Variants in ERBB4 observed in about 807,000 individuals in gnomAD.
ERBB4 encodes the protein erb-b2 receptor tyrosine kinase 4, also known as receptor tyrosine-protein kinase erbB-4.
In ERBB4, 42 loss-of-function variants were observed where a neutral mutation model predicts 158.0. That is an observed-to-expected ratio of 0.27 (90% CI 0.21 to 0.34). ERBB4 has a LOEUF of 0.34. Ranked by LOEUF, ERBB4 falls within the 10% of genes least tolerant of loss-of-function variation. The pLI is 1.00. For missense variants in ERBB4, 1,333 were observed against 1,624.1 expected, an observed-to-expected ratio of 0.82 and a Z score of 3.08; for synonymous variants, 583 against 558.7, an observed-to-expected ratio of 1.04 and a Z score of -0.61.
At chr2:212,162,795 T>C (rs1354977474) in intron 1 of ERBB4, among the ~76,000 whole-genome samples, 1 of 151,964 alleles carries the variant, frequency 6.6e-6, no homozygotes, top group Admixed American at 6.6e-5. Flanking sequence ...CTCTGTTTAG[T>C]AAGTTTCACA....
At chr2:211,427,183 T>C (rs142915713) in intron 22 of ERBB4, among the ~76,000 whole-genome samples, 3 of 152,154 alleles carry the variant, frequency 2.0e-5, no homozygotes, top group Non-Finnish European at 2.9e-5. Flanking sequence ...TAGATAAGAA[T>C]TGTAAGTTCT....
intron 3 of ERBB4, among the ~76,000 whole-genome samples, chr2:211,941,325 G>A (rs1298287174): frequency 6.6e-6 from 1 of 150,872 alleles, no homozygotes; most frequent in South Asian, 2.1e-4. Context: ...AATGTTTGTA[G>A]TACTTTTGTT....
At chr2:212,396,866 T>C (rs1023432035) in intron 1 of ERBB4, among the ~76,000 whole-genome samples, 4 of 152,180 alleles carry the variant, frequency 2.6e-5, no homozygotes, top group African/African-American at 9.6e-5. Context: ...TTCAAAGTTT[T>C]CATCATAATA....
At chr2:212,386,280 T>C (rs1390710833) in intron 1 of ERBB4, among the ~76,000 whole-genome samples, 1 of 152,044 alleles carries the variant, frequency 6.6e-6, no homozygotes, top group Non-Finnish European at 1.5e-5. Flanking sequence ...CCATAAGATA[T>C]TTGTATTATC....
At chr2:211,910,185 G>C (rs1231110047) in intron 3 of ERBB4, among the ~76,000 whole-genome samples, 1 of 151,466 alleles carries the variant, frequency 6.6e-6, no homozygotes, top group Non-Finnish European at 1.5e-5. Flanking sequence ...CCAGAGTGCT[G>C]GGATTACAGG....
At chr2:212,158,470 C>T (rs1365015829) in intron 1 of ERBB4, among the ~76,000 whole-genome samples, 5 of 151,988 alleles carry the variant, frequency 3.3e-5, no homozygotes, top group African/African-American at 4.8e-5. Flanking sequence ...TACCCCTTCT[C>T]ATCTACCCAA....
chr2:212,538,785 C>T lies in ERBB4; in HGVS notation c.-255G>A. 1 of 364,520 alleles carries T rather than the reference C, an allele frequency of 2.7e-6. No individual in the cohort carries two copies. The highest frequency in any genetic ancestry group is 4.8e-6 in the Non-Finnish European group (1 of 208,260). 22.6% of individuals were successfully genotyped at this position (364,520 alleles called of 1,614,324 possible). On this transcript the variant is annotated 5_prime_UTR_variant, in exon 1 of 28. Coordinates refer to ENST00000342788, the MANE Select transcript of ERBB4 (RefSeq NM_005235.3). ...GAGTGTGCTCGGTGTGTGCGCTTGG[C>T]GCTCTGGGCCGGACTGTGCAGCTAT...
At chr2:211,882,043 C>A (rs1032155011) in intron 3 of ERBB4, among the ~76,000 whole-genome samples, 4 of 152,138 alleles carry the variant, frequency 2.6e-5, no homozygotes, top group Admixed American at 6.5e-5. Context: ...AGAAAACCTT[C>A]ACGGGAAAGT....
intron 1 of ERBB4, among the ~76,000 whole-genome samples, chr2:212,252,021 G>A (rs2084554160): frequency 6.6e-6 from 1 of 152,006 alleles, no homozygotes; most frequent in Non-Finnish European, 1.5e-5. Flanking sequence ...GTGTTGAAAT[G>A]TGGTTGGATT....
intron 1 of ERBB4, among the ~76,000 whole-genome samples, chr2:212,512,797 A>G (rs965159856): frequency 1.3e-5 from 2 of 152,172 alleles, no homozygotes; most frequent in African/African-American, 4.8e-5. Flanking sequence ...ACCATCAATT[A>G]TTTTAAGAAA....
chr2:212,190,043 C>T (rs2125707550), intron 1 of ERBB4, among the ~76,000 whole-genome samples: 1 of 152,212 alleles, frequency 6.6e-6, no homozygotes, highest in South Asian at 2.1e-4. Context: ...ATAAAATTTC[C>T]ATAGGCATAG....
intron 3 of ERBB4, among the ~76,000 whole-genome samples, chr2:211,933,051 C>T (rs1446941763): frequency 6.6e-6 from 1 of 151,830 alleles, no homozygotes; most frequent in Non-Finnish European, 1.5e-5. Context: ...CATTGTGACC[C>T]CTGATGTATT....
chr2:211,806,614 G>C (rs2076623135), intron 3 of ERBB4, among the ~76,000 whole-genome samples: 1 of 152,120 alleles, frequency 6.6e-6, no homozygotes, highest in Admixed American at 6.6e-5. Flanking sequence ...ATACGGATTG[G>C]TGACATAAAA....
At chr2:212,164,586 T>G (rs903732621) in intron 1 of ERBB4, among the ~76,000 whole-genome samples, 6 of 152,030 alleles carry the variant, frequency 3.9e-5, no homozygotes, top group African/African-American at 1.4e-4. Context: ...TATGACTCCA[T>G]TTTGGGAAAA....
chr2:211,773,266 T>C (rs925403924), intron 4 of ERBB4, among the ~76,000 whole-genome samples: 2 of 151,466 alleles, frequency 1.3e-5, no homozygotes, highest in Non-Finnish European at 2.9e-5. Flanking sequence ...TTTGGTTAAG[T>C]TATATGTAAA....
intron 5 of ERBB4, among the ~76,000 whole-genome samples, chr2:211,726,421 A>C (rs1410517805): frequency 6.6e-6 from 1 of 152,188 alleles, no homozygotes; most frequent in Non-Finnish European, 1.5e-5. Context: ...TGTACAAAAC[A>C]GAACATAACT....
intron 19 of ERBB4, among the ~76,000 whole-genome samples, chr2:211,563,632 T>G (rs183449316): frequency 6.6e-6 from 1 of 152,336 alleles, no homozygotes; most frequent in African/African-American, 2.4e-5. Context: ...ATTATATCAA[T>G]GTTAAATATT....
intron 12 of ERBB4, among the ~76,000 whole-genome samples, chr2:211,697,969 A>G (rs2073086308): frequency 6.6e-6 from 1 of 152,200 alleles, no homozygotes; most frequent in Non-Finnish European, 1.5e-5. Context: ...AAAATAATTT[A>G]AAATACAATT....
At chr2:212,181,636 G>A (rs887684865) in intron 1 of ERBB4, among the ~76,000 whole-genome samples, 2 of 151,650 alleles carry the variant, frequency 1.3e-5, no homozygotes, top group African/African-American at 4.8e-5. Flanking sequence ...TATGCTTCAT[G>A]ACTGACAATT....
Sources: gnomAD v4.1 joint callset for allele counts (sites outside exome capture counted in the v4.1 genomes callset) on GRCh38, gnomAD v4.1.1 for gene constraint, MANE v1.5 for transcripts, NCBI Gene and HGNC (gene_info 2026-07-23, HGNC 2026-07-21) for gene names.